The following CRHR1 variants were observed in gnomAD, a reference collection of about 807,000 sequenced individuals.
CRHR1 encodes corticotropin-releasing hormone receptor 1.
Under a neutral mutation model 56.0 loss-of-function variants are expected in CRHR1, and 28 were observed. The observed-to-expected ratio is 0.50, with a 90% CI of 0.37 to 0.69. The LOEUF (loss-of-function observed/expected upper bound fraction) is 0.69. Among genes scored for constraint, CRHR1 ranks in the 30% least tolerant of loss-of-function variants. The pLI is 0.00. For synonymous variants in CRHR1, 195 were observed against 216.5 expected (o/e 0.90, Z 0.87); for missense variants, 376 against 548.0 (o/e 0.69, Z 3.13).
At chr17:45,809,435 A>G (rs975374073) in intron 2 of CRHR1, among the ~76,000 whole-genome samples, 2 of 152,210 alleles carry the variant, frequency 1.3e-5, no homozygotes, top group Admixed American at 6.5e-5. Context: ...CGTTATGCTC[A>G]GGAGGAGAGA....
rs1402481431 is a variant in CRHR1, at chr17:45,835,701, C to G, written c.*937C>G. On this transcript the variant is annotated 3_prime_UTR_variant, in exon 13 of 13. Transcript: ENST00000314537. ...CTCCAGGTGTGGACCGGCCGCAGCC[C>G]CCACTGACCTGCCCATGTCCAGAGG... is the stretch of plus-strand genomic sequence containing the variant. 2 of 152,282 alleles carry G rather than the reference C, an allele frequency of 1.3e-5. No individual in the cohort carries two copies. The highest frequency in any genetic ancestry group is 4.8e-5 in the African/African-American group (2 of 41,458). The allele number at this position is 152,282 out of a possible 1,614,324, so 9.4% of individuals were successfully genotyped here.
chr17:45,822,561 G>A (rs895703685), intron 4 of CRHR1, among the ~76,000 whole-genome samples: 1 of 152,228 alleles, frequency 6.6e-6, no homozygotes, highest in South Asian at 2.1e-4. Flanking sequence ...GGAAGGGACC[G>A]TGGAGACTCT....
chr17:45,816,729 A>G, intron 3 of CRHR1, 147 bp downstream of exon 3: 1 of 1,298,476 alleles, frequency 7.7e-7, no homozygotes, highest in Non-Finnish European at 1.0e-6. Context: ...TCAGCGCTGT[A>G]TTCTCCTGGG....
chr17:45,799,412 G>A (rs529578950), intron 1 of CRHR1: 70 of 152,302 alleles, frequency 4.6e-4, no homozygotes, highest in African/African-American at 1.5e-3. Context: ...TAAATGCAAC[G>A]GCGGACCCAG....
chr17:45,829,451 T>G (rs2062242413), intron 5 of CRHR1, 130 bp downstream of exon 5: 15 of 1,336,392 alleles, frequency 1.1e-5, no homozygotes, highest in Non-Finnish European at 1.6e-5. Flanking sequence ...CTGGCTTATC[T>G]GAGAGTCTCA....
At chr17:45,816,793 C>T (rs28364023) in intron 3 of CRHR1, among the ~76,000 whole-genome samples, 21,825 of 152,260 alleles carry the variant, frequency 0.14, 2,138 homozygotes, top group Middle Eastern at 0.22. Flanking sequence ...GACACTATCA[C>T]GCCTCCTATA....
chr17:45,827,326 C>T (rs1185353517), intron 4 of CRHR1, among the ~76,000 whole-genome samples: 1 of 152,254 alleles, frequency 6.6e-6, no homozygotes, highest in African/African-American at 2.4e-5. Flanking sequence ...CTCCTCCCGC[C>T]CAGCCTGGGC....
At chr17:45,824,865 A>G (rs2062123465) in intron 4 of CRHR1, among the ~76,000 whole-genome samples, 1 of 151,700 alleles carries the variant, frequency 6.6e-6, no homozygotes, top group African/African-American at 2.4e-5. Context: ...CCTGTCTCTC[A>G]TCTCCCCTGT....
intron 8 of CRHR1, among the ~76,000 whole-genome samples, chr17:45,832,087 C>T (rs1482170693): frequency 3.2e-5 from 4 of 123,394 alleles, no homozygotes; most frequent in African/African-American, 1.0e-4. Flanking sequence ...CAAAAATTAG[C>T]TGGGTGTGGT....
chr17:45,822,475 G>A (rs577238267), intron 4 of CRHR1, among the ~76,000 whole-genome samples: 123 of 152,362 alleles, frequency 8.1e-4, no homozygotes, highest in African/African-American at 2.9e-3. Flanking sequence ...CTGTCCGAGG[G>A]CCAGGGATTC....
intron 8 of CRHR1, among the ~76,000 whole-genome samples, chr17:45,831,614 A>G (rs558049459): frequency 1.3e-5 from 2 of 152,208 alleles, no homozygotes; most frequent in African/African-American, 4.8e-5. Flanking sequence ...ACCCTCAGAG[A>G]ATCAGGCGCA....
chr17:45,834,554 T>C, intron 12 of CRHR1, 70 bp from the exon 13 acceptor site: 1 of 1,531,232 alleles, frequency 6.5e-7, no homozygotes, highest in Non-Finnish European at 8.8e-7. Context: ...CAGCTGCTCG[T>C]GGCGGCCCAG....
intron 1 of CRHR1, among the ~76,000 whole-genome samples, chr17:45,786,254 G>T (rs1251942770): frequency 1.4e-5 from 2 of 142,566 alleles, no homozygotes; most frequent in Non-Finnish European, 3.1e-5. Flanking sequence ...TATTTCCTTT[G>T]TTCCTACTAG....
chr17:45,828,246 A>G (rs956016208), intron 4 of CRHR1, among the ~76,000 whole-genome samples: 2 of 152,206 alleles, frequency 1.3e-5, no homozygotes, highest in African/African-American at 4.8e-5. Flanking sequence ...CCAGTCCCCT[A>G]TTATGGGCTG....
intron 3 of CRHR1, among the ~76,000 whole-genome samples, chr17:45,818,849 T>A (rs1421224285): frequency 2.6e-5 from 4 of 152,196 alleles, no homozygotes; most frequent in Non-Finnish European, 4.4e-5. Flanking sequence ...TGGGAAGCAT[T>A]TCCAAAAATA....
At chr17:45,802,244 G>C (rs968701504) in intron 1 of CRHR1, among the ~76,000 whole-genome samples, 1 of 152,166 alleles carries the variant, frequency 6.6e-6, no homozygotes, top group Non-Finnish European at 1.5e-5. Flanking sequence ...AGAATTGCTT[G>C]AACCCAGGAG....
At chr17:45,801,191 G>T (rs967670396) in intron 1 of CRHR1, among the ~76,000 whole-genome samples, 5 of 152,100 alleles carry the variant, frequency 3.3e-5, no homozygotes, top group African/African-American at 1.2e-4. Flanking sequence ...CCCTCCACAG[G>T]CTCCTGCACC....
rs2061732459 is a variant in CRHR1 at position 45,807,010 on chromosome 17, G to A, written c.34G>A (p.Ala12Thr). The A allele has an allele frequency of 6.2e-7, 1 of 1,613,756 alleles. No individual in the cohort carries two copies. Among genetic ancestry groups the A allele is most frequent in the South Asian group, 1.1e-5 (1 of 91,008 alleles). Residue 12 changes from alanine to threonine, a missense_variant and splice_region_variant, in exon 2 of 13, where the codon GCC (alanine) becomes ACC (threonine). Physicochemically the swap from Ala to Thr is moderately conservative, Grantham distance 58. This residue lies in a region of CRHR1 where 369 missense variants were observed against 519.5 expected (regional missense o/e 0.71). Coordinates refer to ENST00000314537, the MANE Select transcript of CRHR1 (RefSeq NM_004382.5). ...GGHPQLRLVK[A>T]LLLLGLNPVS... Reference sequence around the variant, plus strand: ...TGTCCTTCGCCTCCTGTGCCTGCAGGCCCTTCTCCTTCTGGGGCTGAACCC... The same window carrying A: ...TGTCCTTCGCCTCCTGTGCCTGCAGACCCTTCTCCTTCTGGGGCTGAACCC...
In CRHR1 at chr17:45,830,889, T is replaced by G; in HGVS notation, c.719T>G (p.Phe240Cys). Reference protein sequence around the residue: ...MFICIGWGVPFPIIVAWAIGK... With the variant: ...MFICIGWGVPCPIIVAWAIGK... ...CCCATCTCTCCCCCAGGTGTGCCCT[T>G]CCCCATCATTGTGGCCTGGGCCATT... Residue 240 changes from phenylalanine (F) to cysteine (C), a missense_variant, in exon 8 of 13, where the codon TTC becomes TGC. Phe to Cys is a radical substitution (Grantham distance 205). Transcript: ENST00000314537. 1 of 1,613,784 alleles carries G rather than the reference T, an allele frequency of 6.2e-7. No individual in the cohort carries two copies. Among genetic ancestry groups the G allele is most frequent in the Non-Finnish European group, 8.5e-7 (1 of 1,179,850 alleles).
Sources: allele counts gnomAD v4.1 joint callset (sites outside exome capture counted in the v4.1 genomes callset), GRCh38; gene constraint gnomAD v4.1.1; regional missense constraint gnomAD v4.1.1; transcripts MANE v1.5; gene names NCBI Gene and HGNC (gene_info 2026-07-23, HGNC 2026-07-21).